SMYD3: variants seen among roughly 807,000 people sequenced by gnomAD.
The protein encoded by SMYD3 is SET and MYND domain containing 3.
A neutral mutation model predicts 57.7 loss-of-function variants in SMYD3; 36 were observed. That is an observed-to-expected ratio of 0.62 (90% CI 0.48 to 0.82). SMYD3 has a LOEUF of 0.82. SMYD3 is among the 40% of genes least tolerant of loss of function. SMYD3 has a pLI of 0.00. For missense variants in SMYD3, 515 were observed against 538.8 expected, an observed-to-expected ratio of 0.96 and a Z score of 0.44; for synonymous variants, 211 against 195.0, an observed-to-expected ratio of 1.08 and a Z score of -0.68.
intron 5 of SMYD3, among the ~76,000 whole-genome samples, chr1:246,271,572 G>A (rs10399928): frequency 0.33 from 50,907 of 152,024 alleles, 9,386 homozygotes; most frequent in East Asian, 0.72. Flanking sequence ...CTCCATTGAA[G>A]GGTCTTGGCA....
chr1:246,228,638 T>C (rs1050639493), intron 5 of SMYD3, among the ~76,000 whole-genome samples: 7 of 152,210 alleles, frequency 4.6e-5, no homozygotes, highest in Admixed American at 6.5e-5. Flanking sequence ...ATACATTTTA[T>C]GGTGGCTGAA....
intron 10 of SMYD3, among the ~76,000 whole-genome samples, chr1:245,797,539 GGGGGTA>G (rs763346481): frequency 4.5e-4 from 57 of 126,226 alleles, no homozygotes; most frequent in Middle Eastern, 4.7e-3. Context: ...GGTGGGGGGA[GGGGGTA>G]GGATAGCATT....
intron 5 of SMYD3, among the ~76,000 whole-genome samples, chr1:245,972,023 G>A (rs925999501): frequency 6.6e-6 from 1 of 152,074 alleles, no homozygotes; most frequent in Non-Finnish European, 1.5e-5. Context: ...GCCATGTCTC[G>A]GGCACCACTG....
At chr1:246,115,849 G>C (rs1572050751) in intron 5 of SMYD3, among the ~76,000 whole-genome samples, 1 of 152,130 alleles carries the variant, frequency 6.6e-6, no homozygotes, top group African/African-American at 2.4e-5. Flanking sequence ...AGAATTAATT[G>C]TAATCATGGC....
chr1:246,329,308 C>A (rs1454664364), intron 4 of SMYD3, among the ~76,000 whole-genome samples: 1 of 152,178 alleles, frequency 6.6e-6, no homozygotes, highest in Non-Finnish European at 1.5e-5. Flanking sequence ...GTCCCACCAA[C>A]AGTGTAAAAG....
At chr1:246,184,972 G>A (rs961460777) in intron 5 of SMYD3, among the ~76,000 whole-genome samples, 1 of 152,156 alleles carries the variant, frequency 6.6e-6, no homozygotes, top group Non-Finnish European at 1.5e-5. Context: ...CAAACAGCAG[G>A]AATAAAAGTT....
intron 5 of SMYD3, among the ~76,000 whole-genome samples, chr1:246,118,044 C>G (rs962043835): frequency 7.2e-5 from 11 of 152,076 alleles, no homozygotes; most frequent in African/African-American, 2.2e-4. Flanking sequence ...AGGGACTACA[C>G]AAACAATAGT....
chr1:246,195,737 G>C (rs2062821812), intron 5 of SMYD3, among the ~76,000 whole-genome samples: 1 of 152,176 alleles, frequency 6.6e-6, no homozygotes, highest in East Asian at 1.9e-4. Context: ...TCATGACCCT[G>C]CAGGTCACTG....
intron 1 of SMYD3, among the ~76,000 whole-genome samples, chr1:246,395,890 G>A (rs1453364272): frequency 6.6e-6 from 1 of 152,112 alleles, no homozygotes; most frequent in East Asian, 1.9e-4. Context: ...ACCACCTAGT[G>A]AATAAGAACA....
chr1:246,490,635 G>A (rs577686159), intron 1 of SMYD3, among the ~76,000 whole-genome samples: 1 of 152,336 alleles, frequency 6.6e-6, no homozygotes, highest in Admixed American at 6.5e-5. Context: ...CACTTTGGGA[G>A]GCCAAGGGGA....
chr1:245,922,282 G>C (rs928289058), intron 7 of SMYD3, among the ~76,000 whole-genome samples: 1 of 152,146 alleles, frequency 6.6e-6, no homozygotes, highest in Admixed American at 6.5e-5. Flanking sequence ...AGACTTAAAG[G>C]TACCTTCATT....
chr1:246,000,195 T>C (rs2059014307), intron 5 of SMYD3, among the ~76,000 whole-genome samples: 1 of 151,782 alleles, frequency 6.6e-6, no homozygotes, highest in South Asian at 2.1e-4. Flanking sequence ...TGCCAGGCTG[T>C]AGACAAATCT....
intron 5 of SMYD3, among the ~76,000 whole-genome samples, chr1:246,011,380 A>T (rs1245653111): frequency 6.6e-6 from 1 of 152,186 alleles, no homozygotes; most frequent in Admixed American, 6.5e-5. Flanking sequence ...CCTCAATAAG[A>T]TGACTTAAAG....
intron 1 of SMYD3, among the ~76,000 whole-genome samples, chr1:246,416,876 C>T (rs2067071101): frequency 6.6e-6 from 1 of 152,088 alleles, no homozygotes; most frequent in South Asian, 2.1e-4. Flanking sequence ...AAACTTTTTC[C>T]TTAAGAAATA....
intron 1 of SMYD3, among the ~76,000 whole-genome samples, chr1:246,445,001 C>G (rs891414472): frequency 2.6e-5 from 4 of 152,142 alleles, no homozygotes; most frequent in Admixed American, 6.5e-5. Flanking sequence ...TCTTTATCTC[C>G]TTGGGGCTTT....
chr1:246,124,913 C>CA (rs1420770648), intron 5 of SMYD3, among the ~76,000 whole-genome samples: 3 of 150,822 alleles, frequency 2.0e-5, no homozygotes, highest in South Asian at 4.2e-4. Flanking sequence ...ACTAAAAATA[C>CA]AAAAAAAAAT....
intron 1 of SMYD3, among the ~76,000 whole-genome samples, chr1:246,438,724 G>T (rs767411009): frequency 2.0e-5 from 3 of 152,062 alleles, no homozygotes; most frequent in Non-Finnish European, 4.4e-5. Context: ...TTCCACAGAT[G>T]CTGGGGCGGG....
intron 7 of SMYD3, among the ~76,000 whole-genome samples, chr1:245,918,054 G>T (rs1397129354): frequency 6.6e-6 from 1 of 152,194 alleles, no homozygotes; most frequent in Non-Finnish European, 1.5e-5. Context: ...TGGCCAGCCA[G>T]ATCTGTCAAA....
intron 1 of SMYD3, among the ~76,000 whole-genome samples, chr1:246,389,875 C>T (rs2066530169): frequency 6.6e-6 from 1 of 151,990 alleles, no homozygotes; most frequent in Non-Finnish European, 1.5e-5. Flanking sequence ...AAGTCAGTTT[C>T]TAGAGGACCT....
Sources: gnomAD v4.1 joint callset for allele counts (sites outside exome capture counted in the v4.1 genomes callset) on GRCh38, gnomAD v4.1.1 for gene constraint, MANE v1.5 for transcripts, NCBI Gene and HGNC (gene_info 2026-07-23, HGNC 2026-07-21) for gene names.